Variants in OR2L13 observed in about 807,000 individuals in gnomAD.
OR2L13 encodes olfactory receptor family 2 subfamily L member 13.
OR2L13 carries 14 observed loss-of-function variants against 15.3 expected under a neutral mutation model. The ratio of observed to expected loss-of-function variants is 0.91; its 90% CI spans 0.60 to 1.43. OR2L13 has a LOEUF of 1.43. Among genes scored for constraint, OR2L13 ranks in the 40% most tolerant of loss-of-function variants. The pLI, the probability that OR2L13 is intolerant of heterozygous loss-of-function variation, is 0.00. For synonymous variants in OR2L13, 152 were observed against 142.9 expected (o/e 1.06, Z -0.45); for missense variants, 367 against 387.9 (o/e 0.95, Z 0.45).
the OR2L13 span, among the ~76,000 whole-genome samples, chr1:247,955,438 T>A: frequency 0.8 from 119,695 of 150,134 alleles, 51,919 homozygotes; most frequent in South Asian, 0.95. Context: ...TAGCAGCATG[T>A]TTTATAATCC....
At chr1:247,953,167 A>C in the OR2L13 span, among the ~76,000 whole-genome samples, 2 of 152,316 alleles carry the variant, frequency 1.3e-5, no homozygotes, top group Middle Eastern at 6.8e-3. Context: ...TAATTTTGAA[A>C]GTTGGACGAT....
chr1:248,099,851 C>G, exon 3 of OR2L13: 1 of 1,614,076 alleles, frequency 6.2e-7, no homozygotes, highest in South Asian at 1.1e-5. Flanking sequence ...TTGGCACACA[C>G]AGTCTTTGCC....
chr1:247,966,505 C>G, the OR2L13 span: 2 of 614,874 alleles, frequency 3.3e-6, no homozygotes, highest in Non-Finnish European at 5.4e-6. Context: ...CATTTTAATG[C>G]TTTTACTTGC....
the OR2L13 span, chr1:248,022,004 A>G: frequency 1.2e-6 from 2 of 1,613,842 alleles, no homozygotes; most frequent in East Asian, 4.5e-5. Flanking sequence ...TGTTCCCACC[A>G]TCAAAAATTG....
chr1:247,993,760 G>GAGAGAGAGAGAGA, the OR2L13 span, among the ~76,000 whole-genome samples: 1 of 53,710 alleles, frequency 1.9e-5, no homozygotes, highest in Non-Finnish European at 3.8e-5. Context: ...ACAGAGAGAG[G>GAGAGAGAGAGAGA]GGGAGAGAGA....
chr1:247,970,614 A>C, the OR2L13 span, among the ~76,000 whole-genome samples: 1 of 152,172 alleles, frequency 6.6e-6, no homozygotes, highest in African/African-American at 2.4e-5. Flanking sequence ...CCGATTTTAT[A>C]AAGATTTTTT....
chr1:248,100,145 C>A lies in OR2L13; in HGVS notation c.770C>A (p.Thr257Asn), dbSNP rs116383269. The change falls in exon 3 of 3, where the codon ACC (threonine) becomes AAC (asparagine). Residue 257 changes from threonine (T) to asparagine (N), a missense_variant. Physicochemically the swap from Thr to Asn is moderately conservative, Grantham distance 65. Coordinates refer to ENST00000641714, the Ensembl canonical transcript of OR2L13. ...TTTTACTATGCACCTTTTGTCTACA[C>A]CTATCTTCGGCCCAGGAATCTCCGC... The A allele has an allele frequency of 2.5e-6, 4 of 1,613,982 alleles. No individual in the cohort carries two copies. In the African/African-American group the frequency reaches 5.3e-5, roughly 22 times the overall value.
At chr1:248,027,128 G>C in the OR2L13 span, among the ~76,000 whole-genome samples, 4 of 152,046 alleles carry the variant, frequency 2.6e-5, no homozygotes. Context: ...AGTTCCTAGG[G>C]GGCGGCCTCT....
At chr1:248,070,895 C>T in the OR2L13 span, among the ~76,000 whole-genome samples, 6,235 of 152,132 alleles carry the variant, frequency 0.041, 422 homozygotes, top group African/African-American at 0.14. Context: ...ATAAATTCCT[C>T]GACACATACA....
the OR2L13 span, among the ~76,000 whole-genome samples, chr1:248,049,400 G>A: frequency 6.6e-6 from 1 of 152,214 alleles, no homozygotes; most frequent in East Asian, 1.9e-4. Flanking sequence ...AGCATTTGGA[G>A]AGTCGTAAAT....
chr1:247,976,866 A>C, the OR2L13 span, among the ~76,000 whole-genome samples: 1 of 152,204 alleles, frequency 6.6e-6, no homozygotes, highest in Admixed American at 6.5e-5. Context: ...TCATTACATT[A>C]AGGATACAAT....
At chr1:248,095,883 A>G (rs1304508609), upstream of OR2L13, among the ~76,000 whole-genome samples, 5 of 150,146 alleles carry the variant, frequency 3.3e-5, no homozygotes, top group Non-Finnish European at 4.4e-5. Flanking sequence ...GGGCTTACAG[A>G]CCTGAGCCAC....
the OR2L13 span, among the ~76,000 whole-genome samples, chr1:248,006,602 G>A: frequency 6.6e-6 from 1 of 152,040 alleles, no homozygotes; most frequent in African/African-American, 2.4e-5. Flanking sequence ...GTGATGGTCT[G>A]AGTGTTTGTA....
At chr1:248,039,892 T>A in the OR2L13 span, 1 of 152,248 alleles carries the variant, frequency 6.6e-6, no homozygotes, top group East Asian at 1.9e-4. Context: ...TAAATAATTA[T>A]GTTTGTGGAG....
upstream of OR2L13, chr1:248,095,323 G>C (rs1359248281): frequency 6.6e-6 from 1 of 152,156 alleles, no homozygotes; most frequent in Non-Finnish European, 1.5e-5. Flanking sequence ...CACAAGAGCT[G>C]GTGAAGTTGT....
the OR2L13 span, among the ~76,000 whole-genome samples, chr1:248,088,166 T>C: frequency 6.9e-4 from 105 of 152,266 alleles, 1 homozygote; most frequent in Non-Finnish European, 1.4e-3. Context: ...AGAACTTTAA[T>C]GTTCAAATCA....
At chr1:248,082,259 A>G in the OR2L13 span, among the ~76,000 whole-genome samples, 2 of 143,276 alleles carry the variant, frequency 1.4e-5, no homozygotes, top group African/African-American at 2.6e-5. Flanking sequence ...ACCAAACACC[A>G]CATATTCTCA....
chr1:248,092,948 G>T (rs1664634135), upstream of OR2L13, among the ~76,000 whole-genome samples: 1 of 152,166 alleles, frequency 6.6e-6, no homozygotes, highest in Non-Finnish European at 1.5e-5. Flanking sequence ...TTTCTGTGCA[G>T]ATGAAGATGG....
chr1:248,098,582 G>A (rs1360929544), intron 1 of OR2L13, 69 bp from the exon 2 acceptor site: 1 of 152,102 alleles, frequency 6.6e-6, no homozygotes, highest in Non-Finnish European at 1.5e-5. Flanking sequence ...AAGGTTATAT[G>A]AACTAACAGT....
Sources: allele counts gnomAD v4.1 joint callset (sites outside exome capture counted in the v4.1 genomes callset), GRCh38; gene constraint gnomAD v4.1.1; transcripts MANE v1.5; gene names NCBI Gene and HGNC (gene_info 2026-07-23, HGNC 2026-07-21).